The following ANO6 variants were observed in gnomAD, a reference collection of about 807,000 sequenced individuals.
ANO6 encodes the protein anoctamin-6.
A neutral mutation model predicts 117.5 loss-of-function variants in ANO6; 106 were observed. The observed-to-expected ratio is 0.90, with a 90% CI of 0.77 to 1.06. The LOEUF (loss-of-function observed/expected upper bound fraction) is 1.06, where lower values mean the gene tolerates loss of function less well. ANO6 is among the 50% of genes least tolerant of loss of function. The pLI is 0.00. For missense variants in ANO6, 955 were observed against 1,121.1 expected, an observed-to-expected ratio of 0.85 and a Z score of 2.12; for synonymous variants, 367 against 385.1, an observed-to-expected ratio of 0.95 and a Z score of 0.55.
downstream of ANO6, among the ~76,000 whole-genome samples, chr12:45,436,500 C>T (rs1357603480): frequency 1.3e-5 from 2 of 152,322 alleles, no homozygotes; most frequent in East Asian, 3.9e-4. Context: ...AATGTCTATG[C>T]TTCTCACCCT....
At chr12:45,343,580 C>T (rs1409376945) in intron 3 of ANO6, among the ~76,000 whole-genome samples, 2 of 152,202 alleles carry the variant, frequency 1.3e-5, no homozygotes, top group Non-Finnish European at 2.9e-5. Flanking sequence ...TAGTTTGCAA[C>T]CACTCTGTTA....
chr12:45,329,284 G>A (rs1053285591), intron 2 of ANO6, among the ~76,000 whole-genome samples: 31 of 152,128 alleles, frequency 2.0e-4, no homozygotes, highest in Non-Finnish European at 4.0e-4. Flanking sequence ...TTATGTGGTA[G>A]AATGTCTTCT....
In ANO6 at chr12:45,302,046, G is replaced by C. The variant is rs754292177; in HGVS notation, c.103G>C (p.Asp35His). Residue 35 changes from aspartate to histidine, a missense_variant, in exon 2 of 20, where the codon GAT becomes CAT. By Grantham distance (81) the Asp-to-His change is moderately conservative (BLOSUM62 -1). Transcript: ENST00000320560. ...AAACCTTGGACAGACAATTGTCCCCGATTTGGGATCACTGGAAAGTCAGCA... is the reference window on the plus strand; with the variant it reads ...AAACCTTGGACAGACAATTGTCCCCCATTTGGGATCACTGGAAAGTCAGCA... The part of the protein sequence containing the change: ...LENLGQTIVP[D>H]LGSLESQHDF... The C allele has an allele frequency of 1.2e-6, 2 of 1,613,968 alleles. No homozygotes were observed. Among genetic ancestry groups the C allele is most frequent in the South Asian group, 2.2e-5 (2 of 91,082 alleles).
intron 1 of ANO6, among the ~76,000 whole-genome samples, chr12:45,276,094 C>T (rs1228022354): frequency 6.6e-6 from 1 of 152,180 alleles, no homozygotes; most frequent in African/African-American, 2.4e-5. Context: ...TCTTCACCAT[C>T]TCAGTAAATG....
chr12:45,247,045 C>T (rs1456851868), intron 1 of ANO6, among the ~76,000 whole-genome samples: 1 of 152,162 alleles, frequency 6.6e-6, no homozygotes, highest in Non-Finnish European at 1.5e-5. Context: ...CCTGCCTCAC[C>T]CTCCCGAGTA....
chr12:45,255,027 A>AGCT, intron 1 of ANO6, among the ~76,000 whole-genome samples: 1 of 152,200 alleles, frequency 6.6e-6, no homozygotes, highest in Non-Finnish European at 1.5e-5. Flanking sequence ...TTACATTATA[A>AGCT]ATGCTAAAAG....
intron 11 of ANO6, 63 bp downstream of exon 11, chr12:45,388,366 C>T (rs930670517): frequency 2.3e-5 from 36 of 1,598,942 alleles, no homozygotes; most frequent in South Asian, 4.4e-5. Context: ...CCTCCTTGGC[C>T]GCACATTAGA....
At chr12:45,387,178 T>A (rs1328666779) in intron 10 of ANO6, among the ~76,000 whole-genome samples, 1 of 152,206 alleles carries the variant, frequency 6.6e-6, no homozygotes, top group African/African-American at 2.4e-5. Flanking sequence ...GGGTTCGCAG[T>A]CTGATTAGAA....
chr12:45,390,496 T>A lies in ANO6; in HGVS notation c.1384T>A (p.Trp462Arg). 6.2e-7 allele frequency: 1 copy of A among 1,613,056 alleles called. No homozygotes were observed. The highest frequency in any genetic ancestry group is 1.1e-5 in the South Asian group (1 of 90,862). Reference protein sequence around the residue: ...ITLCASAVFFWILLIIASVIG... With the variant: ...ITLCASAVFFRILLIIASVIG... ...CCTCTGTGCCAGTGCTGTCTTTTTC[T>A]GGGTAATTCTATCACAAAAATGTTT... Residue 462 changes from tryptophan to arginine, a missense_variant and splice_region_variant, in exon 12 of 20, where the codon TGG becomes AGG. Physicochemically the swap from Trp to Arg is moderately radical, Grantham distance 101. Coordinates refer to ENST00000320560, the MANE Select transcript of ANO6 (RefSeq NM_001025356.3).
intron 2 of ANO6, among the ~76,000 whole-genome samples, chr12:45,321,089 A>G (rs1565688092): frequency 6.6e-6 from 1 of 152,074 alleles, no homozygotes; most frequent in Non-Finnish European, 1.5e-5. Flanking sequence ...CAGTCTGGAA[A>G]GACAGCTGGA....
At chr12:45,302,925 T>C (rs1939544553) in intron 2 of ANO6, among the ~76,000 whole-genome samples, 1 of 152,178 alleles carries the variant, frequency 6.6e-6, no homozygotes, top group Admixed American at 6.5e-5. Flanking sequence ...TGTTTTTTTA[T>C]TTATTTTCAA....
At chr12:45,392,183 A>C (rs1284987700) in intron 12 of ANO6, among the ~76,000 whole-genome samples, 1 of 152,216 alleles carries the variant, frequency 6.6e-6, no homozygotes, top group African/African-American at 2.4e-5. Flanking sequence ...AGCAACCAGC[A>C]GACAAAGTGA....
intron 3 of ANO6, among the ~76,000 whole-genome samples, chr12:45,333,159 CA>C (rs1940724797): frequency 6.6e-6 from 1 of 151,828 alleles, no homozygotes; most frequent in South Asian, 2.1e-4. Context: ...AATAAAATAA[CA>C]TATAGATGTT....
At chr12:45,300,246 A>T (rs1250070143) in intron 1 of ANO6, among the ~76,000 whole-genome samples, 1 of 152,194 alleles carries the variant, frequency 6.6e-6, no homozygotes, top group Admixed American at 6.5e-5. Flanking sequence ...CAGCTGCATG[A>T]TCACAGTCAC....
downstream of ANO6, among the ~76,000 whole-genome samples, chr12:45,432,882 G>C (rs1338829121): frequency 6.6e-6 from 1 of 152,090 alleles, no homozygotes; most frequent in Admixed American, 6.6e-5. Flanking sequence ...ATGGACAATG[G>C]CCAGATCATA....
At chr12:45,234,540 G>A (rs1255379910) in intron 1 of ANO6, among the ~76,000 whole-genome samples, 1 of 152,192 alleles carries the variant, frequency 6.6e-6, no homozygotes, top group Non-Finnish European at 1.5e-5. Flanking sequence ...CAGGATATTA[G>A]ATTCCAAAAT....
chr12:45,216,364 G>A lies in ANO6; in HGVS notation c.43G>A (p.Glu15Lys). Residue 15 changes from glutamate (E) to lysine (K), a missense_variant, in exon 1 of 20, where the codon GAG (glutamate) becomes AAG (lysine). By Grantham distance (56) the Glu-to-Lys change is moderately conservative (BLOSUM62 1). Transcript: ENST00000320560. ...GAATGTTTTGCTACAAATGGAGGAG[G>A]AGGAGGACGACGACGATGGGGATAT... Reference protein sequence around the residue: ...SRNVLLQMEEEEDDDDGDIVL... With the variant: ...SRNVLLQMEEKEDDDDGDIVL... The A allele has an allele frequency of 3.1e-6, 5 of 1,613,092 alleles. No homozygotes were observed. Among genetic ancestry groups the A allele is most frequent in the South Asian group, 1.1e-5 (1 of 90,902 alleles).
At position 45,221,877 on chromosome 12, in the gene ANO6, CTTTTTTTTTTT is replaced by C. The variant is rs71093866; in HGVS notation, c.70+5496_70+5506del. Among the ~76,000 whole-genome samples the C allele has an allele frequency of 5.1e-4, 64 of 124,780 alleles. 3 individuals are homozygous for C. In the South Asian group the frequency reaches 0.016, roughly 31 times the overall value. The allele number at this position is 124,780 out of a possible 152,430, so 81.9% of individuals were successfully genotyped here. A position where few individuals can be genotyped will look rare whatever the true frequency, so the allele number is the denominator to read the frequency against. ...TCAGACCATTCTCCCTCCCCGACTC[CTTTTTTTTTTT>C]TTTTTTTTTGGGAGACGTTGTCTTG... is the stretch of plus-strand genomic sequence containing the variant. On this transcript the variant is annotated intron_variant, in intron 1 of 19. Coordinates refer to ENST00000320560, the MANE Select transcript of ANO6 (RefSeq NM_001025356.3).
intron 18 of ANO6, among the ~76,000 whole-genome samples, chr12:45,421,882 T>C (rs984956413): frequency 6.6e-6 from 1 of 152,214 alleles, no homozygotes; most frequent in South Asian, 2.1e-4. Flanking sequence ...TTGATAAAGT[T>C]TGTGAACTGT....
Sources: gnomAD v4.1 joint callset for allele counts (sites outside exome capture counted in the v4.1 genomes callset) on GRCh38, gnomAD v4.1.1 for gene constraint, MANE v1.5 for transcripts, NCBI Gene and HGNC (gene_info 2026-07-23, HGNC 2026-07-21) for gene names.